The following IGSF22 variants were observed in gnomAD, a reference collection of about 807,000 sequenced individuals.
IGSF22 encodes the protein immunoglobulin superfamily member 22.
Under a neutral mutation model 127.0 loss-of-function variants are expected in IGSF22, and 119 were observed. That is an observed-to-expected ratio of 0.94 (90% CI 0.81 to 1.09). The LOEUF (loss-of-function observed/expected upper bound fraction) is 1.09. IGSF22 is among the 50% of genes least tolerant of loss of function. The pLI is 0.00. For synonymous variants in IGSF22, 568 were observed against 664.7 expected, an observed-to-expected ratio of 0.85 and a Z score of 2.24; for missense variants, 1,518 against 1,716.6, an observed-to-expected ratio of 0.88 and a Z score of 2.04.
rs377131445 is a variant in IGSF22, at chr11:18,712,352, A to T, written c.2128T>A (p.Phe710Ile). The change falls in exon 15 of 23, where the codon TTC (phenylalanine) becomes ATC (isoleucine). Residue 710 changes from phenylalanine (F) to isoleucine (I), a missense_variant. This residue lies in a region of IGSF22 where 1,456 missense variants were observed against 1,644.9 expected (regional missense o/e 0.89). Coordinates refer to ENST00000513874, the MANE Select transcript of IGSF22 (RefSeq NM_173588.4). ...ACACAACTACCTGAGAGCTCCAGGA[A>T]CTCCACCCGGCCCTGTGGAGGCTTT... The part of the protein sequence containing the change: ...RPKPPQGRVE[F>I]LELSGSCVHM... The T allele has an allele frequency of 1.7e-4, 265 of 1,551,416 alleles. No homozygotes were observed. The East Asian group carries it at 5.4e-3, about 32-fold the overall frequency.
intron 22 of IGSF22, 70 bp downstream of exon 22, chr11:18,705,747 C>T: frequency 1.5e-6 from 2 of 1,365,236 alleles, no homozygotes; most frequent in Non-Finnish European, 9.8e-7. Context: ...AAATAGTTGA[C>T]CAATGGCCCA....
chr11:18,719,023 G>T lies in IGSF22; in HGVS notation c.697-295C>A, dbSNP rs1848514447. 2.0e-5 allele frequency among the ~76,000 whole-genome samples: 3 copies of T among 152,154 alleles called. No individual in the cohort carries two copies. In the South Asian group the frequency reaches 6.2e-4, roughly 32 times the overall value. Reference sequence around the variant, plus strand: ...GAGTTGGTTGAGTGAACCAATGAATGACAGCAACAACACAAAAACAAATGA... The same window carrying T: ...GAGTTGGTTGAGTGAACCAATGAATTACAGCAACAACACAAAAACAAATGA... On this transcript the variant is annotated intron_variant, in intron 7 of 22. Transcript: ENST00000513874.
intron 7 of IGSF22, among the ~76,000 whole-genome samples, 178 bp from the exon 8 acceptor site, chr11:18,718,906 G>C (rs546197365): frequency 6.6e-6 from 1 of 152,108 alleles, no homozygotes; most frequent in Non-Finnish European, 1.5e-5. Flanking sequence ...GGAACATTAC[G>C]GGGGATGAGT....
rs775196384 is a variant in IGSF22 at position 18,715,753 on chromosome 11, C to T, written c.1247-37G>A. The stretch of plus-strand genomic sequence containing the variant: ...CAGACACTTGGGCCTGCTCCCAAAC[C>T]ACGACATCTTTTTTCTGCAGCTATA... On this transcript the variant is annotated intron_variant, in intron 10 of 22. Coordinates refer to ENST00000513874, the MANE Select transcript of IGSF22 (RefSeq NM_173588.4). 6 of 1,577,942 alleles carry T rather than the reference C, an allele frequency of 3.8e-6. No homozygotes were observed. The African/African-American group carries it at 5.4e-5, about 14-fold the overall frequency.
At chr11:18,706,193 C>G (rs1162870246) in intron 21 of IGSF22, 47 bp from the exon 22 acceptor site, 3 of 1,469,242 alleles carry the variant, frequency 2.0e-6, no homozygotes, top group South Asian at 2.6e-5. Flanking sequence ...CCAAGGCCCC[C>G]ACCCACCACC....
Position 18,720,185 on chromosome 11 carries a change from CCTT to C in IGSF22, c.476_478del (p.Glu159del). On this transcript the variant is annotated inframe_deletion and splice_region_variant, in exon 5 of 23. Transcript: ENST00000513874. Reference sequence around the variant, plus strand: ...AGGCCAAGAGGAAGGGGCCAACTCACCTTCTGTTACCAGCAGAGATACGGTATA... The same window carrying C: ...AGGCCAAGAGGAAGGGGCCAACTCACCTGTTACCAGCAGAGATACGGTATA... 6.2e-7 allele frequency: 1 copy of C among 1,614,108 alleles called. No homozygotes were observed. The highest frequency in any genetic ancestry group is 8.5e-7 in the Non-Finnish European group (1 of 1,179,946).
Position 18,705,805 on chromosome 11 carries a change from C to A in IGSF22, c.3910+12G>T, listed in dbSNP as rs1326053293. The A allele has an allele frequency of 2.0e-6, 3 of 1,526,876 alleles. No homozygotes were observed. The Admixed American group carries it at 5.9e-5, about 30-fold the overall frequency. The allele number at this position is 1,526,876 out of a possible 1,614,324, so 94.6% of individuals were successfully genotyped here. A position where few individuals can be genotyped will look rare whatever the true frequency, so the allele number is the denominator to read the frequency against. On this transcript the variant is annotated intron_variant, in intron 22 of 22. Coordinates refer to ENST00000513874, the MANE Select transcript of IGSF22 (RefSeq NM_173588.4). ...TCCCCCTCCTCGAGGCCGGACCCCG[C>A]GGCGCCCTCACCATAGACGGTGAGC... is the stretch of plus-strand genomic sequence containing the variant.
At chr11:18,722,118 AGAG>A (rs1848585844) in intron 2 of IGSF22, 77 bp from the exon 3 acceptor site, 2 of 1,560,046 alleles carry the variant, frequency 1.3e-6, no homozygotes, top group South Asian at 2.2e-5. Context: ...AGCTTTCTTG[AGAG>A]GACGGTGGAG....
Position 18,720,228 on chromosome 11 carries a change from G to T in IGSF22, c.436C>A (p.His146Asn), listed in dbSNP as rs1319306253. Residue 146 changes from histidine (H) to asparagine (N), a missense_variant, in exon 5 of 23, where the codon CAT (histidine) becomes AAT (asparagine). By Grantham distance (68) the His-to-Asn change is moderately conservative. Around this residue, in one of 3 missense-constraint regions of IGSF22, gnomAD observed 1,456 missense variants for 1,644.9 expected, o/e 0.89. Transcript: ENST00000513874. ...GATACGGTATAGATGGCATCTGCAT[G>T]GTCATTGCTTGCAATGCACTTATAG... Reference protein sequence around the residue: ...DNYKCIASNDHADAIYTVSLL... With the variant: ...DNYKCIASNDNADAIYTVSLL... 2 of 1,614,194 alleles carry T rather than the reference G, an allele frequency of 1.2e-6. No individual in the cohort carries two copies. Among genetic ancestry groups the T allele is most frequent in the Non-Finnish European group, 1.7e-6 (2 of 1,180,024 alleles).
chr11:18,725,983 G>GT (rs1848645671), intron 1 of IGSF22, 91 bp downstream of exon 1: 1 of 152,460 alleles, frequency 6.6e-6, no homozygotes, highest in African/African-American at 2.4e-5. Context: ...CTACTCCCCT[G>GT]TTCCTATTCC....
At chr11:18,721,801 G>A in intron 3 of IGSF22, 109 bp downstream of exon 3, 1 of 1,585,444 alleles carries the variant, frequency 6.3e-7, no homozygotes, top group Non-Finnish European at 8.6e-7. Context: ...CCCTCGGCCA[G>A]GCTCTGCCAG....
intron 17 of IGSF22, 113 bp downstream of exon 17, chr11:18,710,214 A>G: frequency 7.3e-7 from 1 of 1,372,556 alleles, no homozygotes; most frequent in East Asian, 2.3e-5. Flanking sequence ...GGCAGTTTCC[A>G]GAGTGTAGAG....
chr11:18,706,285 T>C, intron 21 of IGSF22, 139 bp from the exon 22 acceptor site: 1 of 834,726 alleles, frequency 1.2e-6, no homozygotes, highest in Non-Finnish European at 1.8e-6. Flanking sequence ...GGCCCAATGT[T>C]ACACTGGTTC....
intron 7 of IGSF22, among the ~76,000 whole-genome samples, chr11:18,719,000 G>A (rs1012508930): frequency 6.6e-6 from 1 of 152,168 alleles, no homozygotes; most frequent in African/African-American, 2.4e-5. Context: ...GGCTTAATGA[G>A]TTGGTTGAGT....
In IGSF22 at chr11:18,717,934, G is replaced by A; in HGVS notation, c.970C>T (p.Leu324=). ...CCTTGCATGCCCCCACTCATACCCA[G>A]CACTGTGAGCTCTGCACTCATCCGC... ...DKRMSAELTV[L]DEPLKFLGEM... The change falls in exon 9 of 23, where the codon CTG becomes TTG. Residue 324 remains leucine (L), a synonymous_variant. Coordinates refer to ENST00000513874, the MANE Select transcript of IGSF22 (RefSeq NM_173588.4). 6.2e-7 allele frequency: 1 copy of A among 1,613,484 alleles called. No homozygotes were observed. The highest frequency in any genetic ancestry group is 1.3e-5 in the African/African-American group (1 of 75,018).
In IGSF22 at chr11:18,709,686, G is replaced by T; in HGVS notation, c.2702-3C>A. ...GTCCTGGACCAGGCCTGGGGGTTCT[G>T]GGGTAGAACAGACATGTAGTCAGCC... On this transcript the variant is annotated splice_polypyrimidine_tract_variant and splice_region_variant and intron_variant, in intron 17 of 22. Coordinates refer to ENST00000513874, the MANE Select transcript of IGSF22 (RefSeq NM_173588.4). The surrounding 1 kb of genome is among the most constrained non-coding windows in gnomAD (Gnocchi z 4.8). 1 of 1,612,326 alleles carries T rather than the reference G, an allele frequency of 6.2e-7. No individual in the cohort carries two copies. Among genetic ancestry groups the T allele is most frequent in the South Asian group, 1.1e-5 (1 of 90,948 alleles).
chr11:18,721,713 G>A (rs760577320), intron 3 of IGSF22, 42 bp from the exon 4 acceptor site: 2 of 1,610,726 alleles, frequency 1.2e-6, no homozygotes, highest in African/African-American at 1.3e-5. Flanking sequence ...TTAGCCACCA[G>A]GCTAGAGCCT....
At position 18,716,166 on chromosome 11, in the gene IGSF22, C is replaced by G. The variant is rs568236068; in HGVS notation, c.1247-450G>C. On this transcript the variant is annotated intron_variant, in intron 10 of 22. Coordinates refer to ENST00000513874, the MANE Select transcript of IGSF22 (RefSeq NM_173588.4). The surrounding 1 kb of genome is among the most constrained non-coding windows in gnomAD (Gnocchi z 4.5). ...TCTACTCTCCCTCATTCTTTGAAAG[C>G]GGAACTCCTTTTAGTTCTTGGTAAA... 6.6e-6 allele frequency among the ~76,000 whole-genome samples: 1 copy of G among 152,144 alleles called. No homozygotes were observed. The highest frequency in any genetic ancestry group is 1.5e-5 in the Non-Finnish European group (1 of 68,030).
intron 14 of IGSF22, 74 bp from the exon 15 acceptor site, chr11:18,712,458 G>T: frequency 7.4e-7 from 1 of 1,356,422 alleles, no homozygotes; most frequent in Non-Finnish European, 1.0e-6. Context: ...ACTCACCAAA[G>T]GTCTGCCCAG....
Sources: allele counts gnomAD v4.1 joint callset (sites outside exome capture counted in the v4.1 genomes callset), GRCh38; gene constraint gnomAD v4.1.1; regional missense constraint gnomAD v4.1.1; non-coding constraint Gnocchi (gnomAD v3.1); transcripts MANE v1.5; gene names NCBI Gene and HGNC (gene_info 2026-07-23, HGNC 2026-07-21).